LIMK1: variants seen among roughly 807,000 people sequenced by gnomAD.
The protein encoded by LIMK1 is LIM domain kinase 1.
A neutral mutation model predicts 77.6 loss-of-function variants in LIMK1; 21 were observed. The observed-to-expected ratio is 0.27, with a 90% CI of 0.19 to 0.39. The LOEUF is 0.39. Ranked by LOEUF, LIMK1 falls within the 10% of genes least tolerant of loss-of-function variation. The pLI, the probability that LIMK1 is intolerant of heterozygous loss-of-function variation, is 1.00. For missense variants in LIMK1, 696 were observed against 901.6 expected, an observed-to-expected ratio of 0.77 and a Z score of 2.92; for synonymous variants, 358 against 370.0, an observed-to-expected ratio of 0.97 and a Z score of 0.37.
rs869065672 is a variant in LIMK1, at chr7:74,095,968, C to CTTTTTTTTTTTTTT, written c.153-653_153-640dup. ...GGGATTCTCCTCTATTTTTCTTTTT[C>CTTTTTTTTTTTTTT]TTTTTTTTTTTTTTGGAGACAGAGT... On this transcript the variant is annotated intron_variant, in intron 2 of 15. Transcript: ENST00000336180. Among the ~76,000 whole-genome samples the CTTTTTTTTTTTTTT allele has an allele frequency of 4.2e-4, 53 of 127,178 alleles. 1 individual carries two copies. The highest frequency in any genetic ancestry group is 1.1e-3 in the African/African-American group (33 of 30,240). 83.4% of individuals were successfully genotyped at this position (127,178 alleles called of 152,430 possible).
chr7:74,115,530 C>G lies in LIMK1; in HGVS notation c.1411-272C>G, dbSNP rs149439722. The G allele has an allele frequency of 4.2e-3, 1,693 of 401,044 alleles. 24 individuals carry two copies. The highest frequency in any genetic ancestry group is 0.029 in the African/African-American group (1,464 of 50,040). 24.8% of individuals were successfully genotyped at this position (401,044 alleles called of 1,614,324 possible). A position where few individuals can be genotyped will look rare whatever the true frequency, so the allele number is the denominator to read the frequency against. ...GGAGGGAGCAGTGGGTCCGCCACGA[C>G]GGTCTGGGGAGCAGGTGGGGAGGGG... On this transcript the variant is annotated intron_variant, in intron 12 of 15. Transcript: ENST00000336180.
intron 2 of LIMK1, among the ~76,000 whole-genome samples, chr7:74,092,649 C>T (rs1002283676): frequency 2.6e-5 from 4 of 152,214 alleles, no homozygotes; most frequent in Admixed American, 2.6e-4. Flanking sequence ...CTCCTGTGCA[C>T]AACCCCCAGG....
chr7:74,112,734 A>G (rs1799727230), intron 12 of LIMK1, among the ~76,000 whole-genome samples: 1 of 152,048 alleles, frequency 6.6e-6, no homozygotes, highest in Admixed American at 6.6e-5. Flanking sequence ...CTGAAGCAGG[A>G]GAATGGTGTG....
chr7:74,111,072 C>G (rs1799688486), intron 10 of LIMK1: 1 of 153,996 alleles, frequency 6.5e-6, no homozygotes, highest in Non-Finnish European at 1.4e-5. Context: ...CCTGTCTCTA[C>G]TAAAACTACA....
Position 74,115,768 on chromosome 7 carries a change from C to G in LIMK1, c.1411-34C>G, listed in dbSNP as rs374846366. ...CAGGCCAAGCGGGCAGTACTAGGATCGGGTCCCAGCATGACCCGGCTTCAC... is the reference window on the plus strand; with the variant it reads ...CAGGCCAAGCGGGCAGTACTAGGATGGGGTCCCAGCATGACCCGGCTTCAC... On this transcript the variant is annotated intron_variant, in intron 12 of 15. Coordinates refer to ENST00000336180, the MANE Select transcript of LIMK1 (RefSeq NM_002314.4). The G allele has an allele frequency of 7.5e-6, 12 of 1,606,892 alleles. No homozygotes were observed. In the East Asian group the frequency reaches 1.1e-4, roughly 15 times the overall value.
At chr7:74,088,135 C>G (rs1270970973) in intron 2 of LIMK1, among the ~76,000 whole-genome samples, 1 of 152,198 alleles carries the variant, frequency 6.6e-6, no homozygotes, top group Non-Finnish European at 1.5e-5. Flanking sequence ...GGGACAACCC[C>G]TGTTCTAAGT....
intron 5 of LIMK1, 30 bp from the exon 6 acceptor site, chr7:74,105,845 G>A (rs1799559034): frequency 1.3e-6 from 2 of 1,551,986 alleles, no homozygotes; most frequent in South Asian, 1.1e-5. Flanking sequence ...GGACAGGTGG[G>A]CACTGGCCTG....
chr7:74,114,796 T>G (rs1320702231), intron 12 of LIMK1, among the ~76,000 whole-genome samples: 7 of 151,112 alleles, frequency 4.6e-5, no homozygotes, highest in Non-Finnish European at 8.8e-5. Flanking sequence ...GCGCCTGTAG[T>G]CCCAGCTACT....
intron 7 of LIMK1, 118 bp downstream of exon 7, chr7:74,106,361 G>A (rs1799574697): frequency 1.7e-6 from 2 of 1,173,092 alleles, no homozygotes; most frequent in South Asian, 1.5e-5. Flanking sequence ...CTTGAGCCAG[G>A]GAGGTGGAGG....
At chr7:74,120,862 G>A in intron 14 of LIMK1, 30 bp from the exon 15 acceptor site, 2 of 1,613,732 alleles carry the variant, frequency 1.2e-6, no homozygotes, top group Non-Finnish European at 8.5e-7. Context: ...AGGGCCCCCT[G>A]GAGTAACTGC....
intron 1 of LIMK1, among the ~76,000 whole-genome samples, chr7:74,085,118 C>A (rs1703835156): frequency 6.6e-6 from 1 of 152,220 alleles, no homozygotes; most frequent in African/African-American, 2.4e-5. Context: ...TGCCAGGCCC[C>A]AAGGATGACT....
intron 4 of LIMK1, among the ~76,000 whole-genome samples, chr7:74,098,589 A>G (rs1799382150): frequency 6.6e-6 from 1 of 152,134 alleles, no homozygotes; most frequent in Non-Finnish European, 1.5e-5. Context: ...GCTCACCCCT[A>G]TAATCCCAGC....
intron 5 of LIMK1, among the ~76,000 whole-genome samples, chr7:74,101,522 G>A (rs1266953674): frequency 6.6e-6 from 1 of 152,116 alleles, no homozygotes; most frequent in Non-Finnish European, 1.5e-5. Context: ...TAAAAATGAA[G>A]AAGACAGTTA....
intron 2 of LIMK1, 68 bp from the exon 3 acceptor site, chr7:74,096,554 G>C (rs926043124): frequency 1.3e-6 from 2 of 1,591,976 alleles, no homozygotes; most frequent in Non-Finnish European, 8.6e-7. Context: ...GCCTGTAGCC[G>C]AGGCAGGGGC....
intron 13 of LIMK1, among the ~76,000 whole-genome samples, chr7:74,117,232 G>A (rs1271794536): frequency 6.6e-6 from 1 of 152,048 alleles, no homozygotes; most frequent in South Asian, 2.1e-4. Context: ...TGCCCAGGCT[G>A]GTCTCAAACT....
At chr7:74,088,153 A>G (rs1329364303) in intron 2 of LIMK1, among the ~76,000 whole-genome samples, 3 of 152,202 alleles carry the variant, frequency 2.0e-5, no homozygotes, top group Non-Finnish European at 2.9e-5. Context: ...AGTACTTTGC[A>G]TAGTTAGATA....
intron 13 of LIMK1, among the ~76,000 whole-genome samples, chr7:74,117,205 C>T (rs750629355): frequency 4.6e-5 from 7 of 151,952 alleles, no homozygotes; most frequent in Non-Finnish European, 8.8e-5. Context: ...TTAATAGAGA[C>T]GGGGGTATCA....
At position 74,111,724 on chromosome 7, in the gene LIMK1, C is replaced by T. The variant is rs202057300; in HGVS notation, c.1344+17C>T. ...TCAGGGATGGTGAGTGAGCCGGGTG[C>T]TCTAGCTCCATTCATAATCCCACCA... On this transcript the variant is annotated intron_variant, in intron 11 of 15. Coordinates refer to ENST00000336180, the MANE Select transcript of LIMK1 (RefSeq NM_002314.4). The T allele has an allele frequency of 3.7e-6, 6 of 1,609,892 alleles. No individual in the cohort carries two copies. The highest frequency in any genetic ancestry group is 3.3e-5 in the South Asian group (3 of 90,472).
chr7:74,096,782 C>T (rs782445313), intron 3 of LIMK1, 22 bp downstream of exon 3: 10 of 1,572,962 alleles, frequency 6.4e-6, no homozygotes, highest in African/African-American at 1.3e-5. Context: ...CTGCCTTGCA[C>T]ACTCACCTGG....
Sources: allele counts gnomAD v4.1 joint callset (sites outside exome capture counted in the v4.1 genomes callset), GRCh38; gene constraint gnomAD v4.1.1; transcripts MANE v1.5; gene names NCBI Gene and HGNC (gene_info 2026-07-23, HGNC 2026-07-21).